The following PUS7L variants were observed in gnomAD, a reference collection of about 807,000 sequenced individuals.
PUS7L encodes pseudouridine synthase 7 like.
In PUS7L, 49 loss-of-function variants were observed where a neutral mutation model predicts 51.1. That is an observed-to-expected ratio of 0.96 (90% CI 0.76 to 1.22). PUS7L has a LOEUF of 1.22. PUS7L is among the 50% of genes most tolerant of loss of function. PUS7L has a pLI of 0.00. For missense variants in PUS7L, 828 were observed against 820.6 expected (o/e 1.01, Z -0.11); for synonymous variants, 277 against 276.2 (o/e 1.00, Z -0.03).
chr12:43,738,194 C>T lies in PUS7L; in HGVS notation c.1444+116G>A. 6 of 690,126 alleles carry T rather than the reference C, an allele frequency of 8.7e-6. No homozygotes were observed. The South Asian group carries it at 9.8e-5, about 11-fold the overall frequency. 42.8% of individuals were successfully genotyped at this position (690,126 alleles called of 1,614,324 possible). A position where few individuals can be genotyped will look rare whatever the true frequency, so the allele number is the denominator to read the frequency against. On this transcript the variant is annotated intron_variant, in intron 6 of 8. Transcript: ENST00000344862. Reference sequence around the variant, plus strand: ...ATAAAAGTGTTCAGTATGTAATATACTATAATTTATTTCTTATCACATTTA... The same window carrying T: ...ATAAAAGTGTTCAGTATGTAATATATTATAATTTATTTCTTATCACATTTA...
chr12:43,755,861 T>C (rs1294014444), intron 1 of PUS7L, among the ~76,000 whole-genome samples: 3 of 152,198 alleles, frequency 2.0e-5, no homozygotes, highest in Non-Finnish European at 1.5e-5. Flanking sequence ...GCTTTCAAGG[T>C]TGAGCCAGAG....
rs1455213241 is a variant in PUS7L, at chr12:43,723,140, C to T, written c.*7236G>A. 6.6e-6 allele frequency: 1 copy of T among 152,092 alleles called. No individual in the cohort carries two copies. Among genetic ancestry groups the T allele is most frequent in the Non-Finnish European group, 1.5e-5 (1 of 67,962 alleles). 9.4% of individuals were successfully genotyped at this position (152,092 alleles called of 1,614,324 possible). ...AATAATTTCATGGCTATTCTGACTT[C>T]TTTCCATAGTAAAATTTTTCTTTTG... On this transcript the variant is annotated 3_prime_UTR_variant, in exon 9 of 9. Coordinates refer to ENST00000344862, the MANE Select transcript of PUS7L (RefSeq NM_031292.5).
At chr12:43,731,888 CT>C in intron 7 of PUS7L, 130 bp from the exon 8 acceptor site, 1 of 605,958 alleles carries the variant, frequency 1.7e-6, no homozygotes, top group South Asian at 2.1e-5. Flanking sequence ...CAAACAAGAT[CT>C]TATCATAATT....
chr12:43,755,015 A>C lies in PUS7L; in HGVS notation c.231T>G (p.Asn77Lys). 1 of 1,613,082 alleles carries C rather than the reference A, an allele frequency of 6.2e-7. No individual in the cohort carries two copies. The highest frequency in any genetic ancestry group is 1.1e-5 in the South Asian group (1 of 90,978). ...GGTTTCTTCCATCTTCTAAGGACAG[A>C]TTTTGAAGATCTAGTTTTGGTTTTT... ...FPKKPKLDLQ[N>K]LSLEDGRNQE... The change falls in exon 2 of 9, where the codon AAT (asparagine) becomes AAG (lysine). Residue 77 changes from asparagine to lysine, a missense_variant. Coordinates refer to ENST00000344862, the MANE Select transcript of PUS7L (RefSeq NM_031292.5).
intron 6 of PUS7L, 41 bp from the exon 7 acceptor site, chr12:43,736,702 T>C (rs1158964772): frequency 2.6e-6 from 4 of 1,568,572 alleles, no homozygotes; most frequent in Admixed American, 3.5e-5. Context: ...GCCACTTTTA[T>C]TTAAAGGCCA....
intron 5 of PUS7L, among the ~76,000 whole-genome samples, chr12:43,742,022 T>C (rs1207234958): frequency 6.6e-6 from 1 of 152,242 alleles, no homozygotes; most frequent in African/African-American, 2.4e-5. Flanking sequence ...AAATGCAGCT[T>C]CTTAGTTGTA....
In PUS7L at chr12:43,736,538, G is replaced by T; in HGVS notation, c.1568C>A (p.Pro523His). 1.2e-6 allele frequency: 2 copies of T among 1,614,156 alleles called. No individual in the cohort carries two copies. Among genetic ancestry groups the T allele is most frequent in the Non-Finnish European group, 1.7e-6 (2 of 1,180,030 alleles). The part of the protein sequence containing the change: ...EGCIQAWFSL[P>H]HSMRIFYVHA... ...AACATAGAATATGCGCATGGAATGGGGTAAAGAGAACCATGCCTGGATACA... is the reference window on the plus strand; with the variant it reads ...AACATAGAATATGCGCATGGAATGGTGTAAAGAGAACCATGCCTGGATACA... The change falls in exon 7 of 9, where the codon CCC (proline) becomes CAC (histidine). Residue 523 changes from proline to histidine, a missense_variant. Transcript: ENST00000344862.
At chr12:43,748,676 A>G in intron 2 of PUS7L, 67 bp from the exon 3 acceptor site, 1 of 1,208,508 alleles carries the variant, frequency 8.3e-7, no homozygotes, top group South Asian at 1.5e-5. Context: ...ATTCTTAGCT[A>G]ACAGATTAGT....
At chr12:43,742,838 T>C (rs1937969652) in intron 4 of PUS7L, 2 of 194,542 alleles carry the variant, frequency 1.0e-5, no homozygotes, top group African/African-American at 2.4e-5. Flanking sequence ...AGATTTTCAG[T>C]GTTAAAGCCA....
rs1937947232 is a variant in PUS7L at position 43,742,454 on chromosome 12, T to A, written c.1362+3A>T. 3 of 1,595,122 alleles carry A rather than the reference T, an allele frequency of 1.9e-6. No homozygotes were observed. Among genetic ancestry groups the A allele is most frequent in the East Asian group, 4.5e-5 (2 of 44,578 alleles). On this transcript the variant is annotated splice_donor_region_variant and intron_variant, in intron 5 of 8. Transcript: ENST00000344862. ...ATAAGATTACATTTTTCAAAATCCA[T>A]ACCATTTCATTCTTCAGCAAAGCTA...
At position 43,730,613 on chromosome 12, in the gene PUS7L, T is replaced by C; in HGVS notation, c.1869A>G (p.Leu623=). The C allele has an allele frequency of 6.2e-7, 1 of 1,613,626 alleles. No homozygotes were observed. The highest frequency in any genetic ancestry group is 8.5e-7 in the Non-Finnish European group (1 of 1,179,608). ...WYHDILSRDG[L]QTCRFKVPTL... is the part of the protein sequence containing the mutation. ...TAGGTACTTTAAACCTACATGTCTG[T>C]AGTCCATCTCTGCTAAGTATGTCAT... Residue 623 remains leucine (L), a synonymous_variant, in exon 9 of 9, where the codon CTA becomes CTG. Transcript: ENST00000344862.
intron 5 of PUS7L, 162 bp from the exon 6 acceptor site, chr12:43,738,553 T>C (rs1937726341): frequency 3.4e-6 from 2 of 584,354 alleles, no homozygotes; most frequent in Non-Finnish European, 6.0e-6. Context: ...ACAGACAATG[T>C]TAAATGTAGA....
Position 43,719,919 on chromosome 12 carries a change from T to C in PUS7L, c.*10457A>G, listed in dbSNP as rs1944377713. On this transcript the variant is annotated 3_prime_UTR_variant, in exon 9 of 9. Coordinates refer to ENST00000344862, the MANE Select transcript of PUS7L (RefSeq NM_031292.5). ...AACCAACTTTTGGATTTGTAGATCG[T>C]CTCTTCTATTCTGGTTTTATTTCAT... The C allele has an allele frequency of 6.6e-6, 1 of 152,144 alleles. No individual in the cohort carries two copies. The highest frequency in any genetic ancestry group is 2.4e-5 in the African/African-American group (1 of 41,428). 9.4% of individuals were successfully genotyped at this position (152,144 alleles called of 1,614,324 possible).
intron 7 of PUS7L, among the ~76,000 whole-genome samples, chr12:43,732,913 ATC>A (rs1944593158): frequency 6.6e-6 from 1 of 152,184 alleles, no homozygotes; most frequent in African/African-American, 2.4e-5. Context: ...TGGAATTATG[ATC>A]TCTCTTGCAT....
At chr12:43,750,112 G>A (rs1382477544) in intron 2 of PUS7L, among the ~76,000 whole-genome samples, 3 of 152,050 alleles carry the variant, frequency 2.0e-5, no homozygotes, top group East Asian at 1.9e-4. Flanking sequence ...ATTCTTGAAG[G>A]TCCAACAGCA....
intron 8 of PUS7L, 64 bp downstream of exon 8, chr12:43,731,641 T>C (rs1944556766): frequency 1.2e-6 from 1 of 843,960 alleles, no homozygotes. Flanking sequence ...TAGTTAACAT[T>C]TTGCTTTTTG....
intron 2 of PUS7L, among the ~76,000 whole-genome samples, chr12:43,753,543 CT>C (rs1447646995): frequency 6.6e-6 from 1 of 152,092 alleles, no homozygotes; most frequent in African/African-American, 2.4e-5. Context: ...CTTAAAATAT[CT>C]TGCTAAATAA....
rs763027957 is a variant in PUS7L, at chr12:43,736,377, T to C, written c.1725+4A>G. ...TTGGAAAACTCTGATGGAATGATAC[T>C]TACTTTACTATTTGGGAAATTCTCG... On this transcript the variant is annotated splice_donor_region_variant and intron_variant, in intron 7 of 8. Transcript: ENST00000344862. 5 of 1,612,718 alleles carry C rather than the reference T, an allele frequency of 3.1e-6. No individual in the cohort carries two copies. The South Asian group carries it at 3.3e-5, about 11-fold the overall frequency.
intron 7 of PUS7L, among the ~76,000 whole-genome samples, chr12:43,736,065 C>T (rs1018108449): frequency 1.2e-4 from 19 of 152,244 alleles, no homozygotes; most frequent in Non-Finnish European, 1.9e-4. Context: ...TGAGCCACCA[C>T]GCCTGGCCTT....
Sources: allele counts gnomAD v4.1 joint callset (sites outside exome capture counted in the v4.1 genomes callset), GRCh38; gene constraint gnomAD v4.1.1; transcripts MANE v1.5; gene names NCBI Gene and HGNC (gene_info 2026-07-23, HGNC 2026-07-21).